The following MARCHF8 variants were observed in gnomAD, a reference collection of about 807,000 sequenced individuals.
MARCHF8 encodes the protein E3 ubiquitin-protein ligase MARCHF8.
Under a neutral mutation model 51.6 loss-of-function variants are expected in MARCHF8, and 40 were observed. The ratio of observed to expected loss-of-function variants is 0.77; its 90% CI spans 0.60 to 1.01. The LOEUF is 1.01. Ranked by LOEUF, MARCHF8 falls within the 50% of genes least tolerant of loss-of-function variation. The pLI is 0.00. For synonymous variants in MARCHF8, 263 were observed against 280.3 expected, an observed-to-expected ratio of 0.94 and a Z score of 0.62; for missense variants, 685 against 708.6, an observed-to-expected ratio of 0.97 and a Z score of 0.38.
At chr10:45,586,632 C>T (rs2044621188) in intron 1 of MARCHF8, among the ~76,000 whole-genome samples, 1 of 152,142 alleles carries the variant, frequency 6.6e-6, no homozygotes, top group South Asian at 2.1e-4. Context: ...TCCTCACCAA[C>T]ACTTGGTATT....
At chr10:45,501,309 G>A (rs780453593) in intron 2 of MARCHF8, among the ~76,000 whole-genome samples, 16 of 152,102 alleles carry the variant, frequency 1.1e-4, no homozygotes, top group Non-Finnish European at 2.2e-4. Context: ...TCACTACTGT[G>A]TGGTACTAGT....
chr10:45,473,986 C>T (rs553637532), intron 3 of MARCHF8, among the ~76,000 whole-genome samples: 31 of 152,196 alleles, frequency 2.0e-4, no homozygotes, highest in Non-Finnish European at 4.0e-4. Context: ...CTTCTCTGAG[C>T]AGTCCTTCAA....
At chr10:45,551,778 T>C (rs542629974) in intron 1 of MARCHF8, among the ~76,000 whole-genome samples, 1 of 152,060 alleles carries the variant, frequency 6.6e-6, no homozygotes, top group African/African-American at 2.4e-5. Context: ...ACCAATTCCT[T>C]AAAATAAATC....
At chr10:45,527,028 C>T (rs1267122813) in intron 2 of MARCHF8, among the ~76,000 whole-genome samples, 1 of 152,026 alleles carries the variant, frequency 6.6e-6, no homozygotes. Flanking sequence ...ATTTTTGGGT[C>T]AGTGATGAAA....
At chr10:45,529,280 C>T (rs1398985652) in intron 2 of MARCHF8, among the ~76,000 whole-genome samples, 1 of 152,124 alleles carries the variant, frequency 6.6e-6, no homozygotes, top group African/African-American at 2.4e-5. Flanking sequence ...ACACTGGACC[C>T]ATATCTCTCA....
chr10:45,516,887 T>C (rs1564497655), intron 2 of MARCHF8, among the ~76,000 whole-genome samples: 1 of 152,214 alleles, frequency 6.6e-6, no homozygotes, highest in African/African-American at 2.4e-5. Context: ...CAACCCCAGC[T>C]GTTTCTCTCA....
chr10:45,460,239 G>C (rs1001413803), intron 6 of MARCHF8, among the ~76,000 whole-genome samples: 1 of 152,084 alleles, frequency 6.6e-6, no homozygotes, highest in Admixed American at 6.5e-5. Flanking sequence ...TACAACGCAC[G>C]TAGCTTGACA....
At chr10:45,464,684 A>T (rs1842911695) in intron 3 of MARCHF8, among the ~76,000 whole-genome samples, 1 of 152,232 alleles carries the variant, frequency 6.6e-6, no homozygotes, top group Non-Finnish European at 1.5e-5. Context: ...ATGAGGCTCC[A>T]GGCCTGCTGG....
At chr10:45,550,816 C>G (rs1349285218) in intron 1 of MARCHF8, among the ~76,000 whole-genome samples, 1 of 152,226 alleles carries the variant, frequency 6.6e-6, no homozygotes, top group African/African-American at 2.4e-5. Flanking sequence ...AAAACATGTT[C>G]CCCTTTCCCT....
intron 3 of MARCHF8, among the ~76,000 whole-genome samples, chr10:45,474,009 G>A (rs2042741972): frequency 6.6e-6 from 1 of 152,092 alleles, no homozygotes; most frequent in African/African-American, 2.4e-5. Flanking sequence ...TGGGTTCCCT[G>A]TAATTCTCTA....
chr10:45,476,545 G>A (rs1182108680), intron 3 of MARCHF8, among the ~76,000 whole-genome samples: 1 of 152,106 alleles, frequency 6.6e-6, no homozygotes, highest in East Asian at 1.9e-4. Context: ...TCCTGCCTGG[G>A]CAACAGACCA....
chr10:45,545,236 C>T (rs1017804588), intron 1 of MARCHF8, among the ~76,000 whole-genome samples: 1 of 152,226 alleles, frequency 6.6e-6, no homozygotes, highest in African/African-American at 2.4e-5. Flanking sequence ...TCATTTTGCT[C>T]ACCTTTGTAT....
intron 1 of MARCHF8, among the ~76,000 whole-genome samples, chr10:45,591,267 A>G (rs2044677520): frequency 6.6e-6 from 1 of 152,332 alleles, no homozygotes; most frequent in East Asian, 1.9e-4. Flanking sequence ...TGAGACACAG[A>G]CCAGTCTGGC....
At chr10:45,593,928 T>C (rs563267696) in intron 1 of MARCHF8, among the ~76,000 whole-genome samples, 2 of 152,320 alleles carry the variant, frequency 1.3e-5, no homozygotes, top group East Asian at 1.9e-4. Flanking sequence ...CCTCAACCTA[T>C]GACTTGCAGG....
intron 7 of MARCHF8, 133 bp from the exon 8 acceptor site, chr10:45,458,676 T>C: frequency 1.0e-6 from 1 of 987,578 alleles, no homozygotes; most frequent in Non-Finnish European, 1.5e-6. Context: ...AGTCTTGCTA[T>C]GTTGCCCAGG....
intron 3 of MARCHF8, among the ~76,000 whole-genome samples, chr10:45,471,951 C>T (rs1049399970): frequency 2.0e-5 from 3 of 152,214 alleles, no homozygotes; most frequent in African/African-American, 4.8e-5. Context: ...AGGTAACCAC[C>T]GTCCACCCAC....
chr10:45,563,695 T>C (rs73289212), intron 1 of MARCHF8, among the ~76,000 whole-genome samples: 4,305 of 152,242 alleles, frequency 0.028, 203 homozygotes, highest in African/African-American at 0.097. Flanking sequence ...AATATATCAA[T>C]AACCATAATC....
intron 3 of MARCHF8, among the ~76,000 whole-genome samples, chr10:45,477,884 C>G (rs1279275125): frequency 6.6e-6 from 1 of 152,164 alleles, no homozygotes; most frequent in Non-Finnish European, 1.5e-5. Context: ...CTACATACAT[C>G]TGCACCCTAC....
At chr10:45,541,062 T>C (rs991376413) in intron 1 of MARCHF8, among the ~76,000 whole-genome samples, 5 of 152,212 alleles carry the variant, frequency 3.3e-5, no homozygotes, top group African/African-American at 1.2e-4. Context: ...AGTGATCCCA[T>C]TACTTGGTAT....
Sources: allele counts gnomAD v4.1 joint callset (sites outside exome capture counted in the v4.1 genomes callset), GRCh38; gene constraint gnomAD v4.1.1; transcripts MANE v1.5; gene names NCBI Gene and HGNC (gene_info 2026-07-23, HGNC 2026-07-21).